NCAN: variants seen among roughly 807,000 people sequenced by gnomAD.
The protein encoded by NCAN is neurocan, also known as neurocan core protein.
In NCAN, 47 loss-of-function variants were observed where a neutral mutation model predicts 121.8. The ratio of observed to expected loss-of-function variants is 0.39; its 90% confidence interval spans 0.31 to 0.49. NCAN has a LOEUF of 0.49. NCAN is among the 20% of genes least tolerant of loss of function. NCAN has a pLI of 0.92. For missense variants in NCAN, 1,517 were observed against 1,773.4 expected (o/e 0.86, Z 2.60); for synonymous variants, 633 against 702.0 (o/e 0.90, Z 1.55).
At position 19,227,367 on chromosome 19, in the gene NCAN, C is replaced by A. The variant is rs780252481; in HGVS notation, c.1747C>A (p.Pro583Thr). The A allele has an allele frequency of 6.2e-7, 1 of 1,613,504 alleles. No individual in the cohort carries two copies. The highest frequency in any genetic ancestry group is 1.1e-5 in the South Asian group (1 of 91,050). ...CAGCATCTCAGGCCACAGCAGGGCC[C>A]CTGTCCTGGAGCTAGAGAAAGCCGA... Reference protein sequence around the residue: ...PPSISGHSRAPVLELEKAEGP... With the variant: ...PPSISGHSRATVLELEKAEGP... Residue 583 changes from proline (P) to threonine (T), a missense_variant, in exon 8 of 15, where the codon CCT becomes ACT. Transcript: ENST00000252575. The surrounding 1 kb of genome is among the most constrained non-coding windows in gnomAD (Gnocchi z 4.2).
At chr19:19,229,652 C>T (rs1599815109) in intron 8 of NCAN, among the ~76,000 whole-genome samples, 1 of 152,226 alleles carries the variant, frequency 6.6e-6, no homozygotes, top group African/African-American at 2.4e-5. Context: ...TGGCCAGCAG[C>T]GTCCATAGAA....
intron 10 of NCAN, 63 bp downstream of exon 10, chr19:19,235,159 C>A: frequency 1.9e-6 from 2 of 1,035,598 alleles, no homozygotes; most frequent in Non-Finnish European, 3.0e-6. Context: ...CAGCCACAGG[C>A]TTCCCCACAT....
intron 10 of NCAN, among the ~76,000 whole-genome samples, chr19:19,235,581 T>G (rs534201601): frequency 1.2e-4 from 17 of 145,874 alleles, no homozygotes; most frequent in Non-Finnish European, 2.2e-4. Context: ...CTATTTTATT[T>G]TATTTTTTTT....
intron 13 of NCAN, among the ~76,000 whole-genome samples, chr19:19,245,737 C>A (rs1599825213): frequency 6.6e-6 from 1 of 151,968 alleles, no homozygotes; most frequent in East Asian, 1.9e-4. Flanking sequence ...CTCAGCCTCT[C>A]GAAGTGCTGG....
intron 8 of NCAN, among the ~76,000 whole-genome samples, chr19:19,228,846 G>C (rs2060848005): frequency 6.6e-6 from 1 of 152,220 alleles, no homozygotes. Context: ...CACTGGCAAA[G>C]GCCAGGAGAT....
chr19:19,238,494 C>A (rs752562845), intron 11 of NCAN, 83 bp downstream of exon 11: 2 of 1,531,796 alleles, frequency 1.3e-6, no homozygotes, highest in Admixed American at 1.7e-5. Context: ...GCATCGCATC[C>A]CTCCCCTGGT....
Position 19,216,947 on chromosome 19 carries a change from A to C in NCAN, c.-7A>C. The C allele has an allele frequency of 7.6e-7, 1 of 1,311,596 alleles. No homozygotes were observed. Among genetic ancestry groups the C allele is most frequent in the Non-Finnish European group, 9.8e-7 (1 of 1,020,828 alleles). The allele number at this position is 1,311,596 out of a possible 1,614,324, so 81.2% of individuals were successfully genotyped here. A position where few individuals can be genotyped will look rare whatever the true frequency, so the allele number is the denominator to read the frequency against. On this transcript the variant is annotated splice_region_variant and 5_prime_UTR_variant, in exon 2 of 15. Transcript: ENST00000252575. Reference sequence around the variant, plus strand: ...TCCCTCCCTCTCCATTTTGTTCCAGATCCAGGATGGGGGCCCCGTTTGTCT... The same window carrying C: ...TCCCTCCCTCTCCATTTTGTTCCAGCTCCAGGATGGGGGCCCCGTTTGTCT...
At chr19:19,244,927 G>A (rs1284564334) in intron 12 of NCAN, among the ~76,000 whole-genome samples, 1 of 151,498 alleles carries the variant, frequency 6.6e-6, no homozygotes, top group Non-Finnish European at 1.5e-5. Context: ...GACCAGGCTG[G>A]TCTTGAACTC....
chr19:19,242,441 G>A (rs1286760626), intron 12 of NCAN, among the ~76,000 whole-genome samples: 1 of 151,662 alleles, frequency 6.6e-6, no homozygotes, highest in Non-Finnish European at 1.5e-5. Flanking sequence ...TGTAATCCCA[G>A]CACTTTGGGA....
chr19:19,238,138 T>C (rs12981871), intron 10 of NCAN, 115 bp from the exon 11 acceptor site: 1,373,605 of 1,388,896 alleles, frequency 0.99, 679,273 homozygotes, highest in East Asian at 1. Context: ...GAGGGGTGAT[T>C]TCGCCCCGCA....
intron 3 of NCAN, among the ~76,000 whole-genome samples, chr19:19,222,860 G>C (rs2060821757): frequency 6.6e-6 from 1 of 151,980 alleles, no homozygotes; most frequent in Non-Finnish European, 1.5e-5. Flanking sequence ...TGTAATCCCA[G>C]CACTTTGGGA....
rs566085160 is a variant in NCAN, at chr19:19,248,699, G to A, written c.3638-1G>A. 1 of 1,613,758 alleles carries A rather than the reference G, an allele frequency of 6.2e-7. No homozygotes were observed. The highest frequency in any genetic ancestry group is 2.2e-5 in the East Asian group (1 of 44,878). ...TCTCACTAGAGATTCCTCTGTCCCA[G>A]TGCTCTGTGGTCCCCCTCCGGCAGT... is the stretch of plus-strand genomic sequence containing the variant. On this transcript the variant is annotated splice_acceptor_variant, in intron 13 of 14. Coordinates refer to ENST00000252575, the MANE Select transcript of NCAN (RefSeq NM_004386.3). LOFTEE classifies it high-confidence loss of function.
chr19:19,219,203 C>T lies in NCAN; in HGVS notation c.362C>T (p.Ala121Val). 3 of 1,610,708 alleles carry T rather than the reference C, an allele frequency of 1.9e-6. No individual in the cohort carries two copies. The highest frequency in any genetic ancestry group is 2.5e-6 in the Non-Finnish European group (3 of 1,179,938). ...CTGCCTTCCTACCCCCGGCGCCGAG[C>T]CAACGCCACGCTACTTCTGGGGCCA... Reference protein sequence around the residue: ...VSLPSYPRRRANATLLLGPLR... With the variant: ...VSLPSYPRRRVNATLLLGPLR... Residue 121 changes from alanine to valine, a missense_variant, in exon 3 of 15, where the codon GCC becomes GTC. By Grantham distance (64) the Ala-to-Val change is moderately conservative. Transcript: ENST00000252575.
In NCAN at chr19:19,248,743, C is replaced by T. The variant is rs749504409; in HGVS notation, c.3681C>T (p.Ile1227=). The T allele has an allele frequency of 1.2e-5, 19 of 1,614,068 alleles. No homozygotes were observed. The highest frequency in any genetic ancestry group is 6.7e-5 in the African/African-American group (5 of 74,932). Residue 1227 remains isoleucine, a synonymous_variant, in exon 14 of 15, where the codon ATC becomes ATT. Coordinates refer to ENST00000252575, the MANE Select transcript of NCAN (RefSeq NM_004386.3). The part of the protein sequence containing the change: ...PPPAVENASL[I]GARKAKYNVH... Reference sequence around the variant, plus strand: ...CGGCAGTGGAGAATGCCTCACTCATCGGTGCCCGCAAGGCCAAGTACAATG... The same window carrying T: ...CGGCAGTGGAGAATGCCTCACTCATTGGTGCCCGCAAGGCCAAGTACAATG...
Position 19,227,839 on chromosome 19 carries a change from C to T in NCAN, c.2219C>T (p.Pro740Leu). The change falls in exon 8 of 15, where the codon CCC (proline) becomes CTC (leucine). Residue 740 changes from proline to leucine, a missense_variant. Physicochemically the swap from Pro to Leu is moderately conservative, Grantham distance 98. Coordinates refer to ENST00000252575, the MANE Select transcript of NCAN (RefSeq NM_004386.3). This position sits in a 1 kb window ranked among gnomAD's most constrained non-coding sequence, Gnocchi z 4.2. ...AGGAATGTGGCTGTAGGTTTTGTCC[C>T]CACTGAGACTGCCACTGAGCCAACG... ...VNRNVAVGFV[P>L]TETATEPTGL... The T allele has an allele frequency of 1.2e-6, 2 of 1,613,638 alleles. No homozygotes were observed. The highest frequency in any genetic ancestry group is 1.7e-6 in the Non-Finnish European group (2 of 1,179,996).
intron 11 of NCAN, among the ~76,000 whole-genome samples, chr19:19,240,184 C>G (rs553700796): frequency 2.7e-4 from 40 of 149,248 alleles, no homozygotes; most frequent in African/African-American, 9.7e-4. Flanking sequence ...CCTCATCTCT[C>G]TCCTTCTCCC....
intron 1 of NCAN, among the ~76,000 whole-genome samples, chr19:19,213,660 G>A (rs2060784534): frequency 6.6e-6 from 1 of 152,136 alleles, no homozygotes; most frequent in African/African-American, 2.4e-5. Flanking sequence ...GTGCGTGGCT[G>A]TGTGTGTCCC....
chr19:19,250,215 A>G lies in NCAN; in HGVS notation c.*304A>G, dbSNP rs1229146761. On this transcript the variant is annotated 3_prime_UTR_variant, in exon 15 of 15. Transcript: ENST00000252575. ...TCATTGGTCTGGTCTCTTGTTTGCC[A>G]GGCTGATTGAAGCAGGCCTTGATGA... 2 of 568,410 alleles carry G rather than the reference A, an allele frequency of 3.5e-6. No individual in the cohort carries two copies. The highest frequency in any genetic ancestry group is 8.0e-5 in the East Asian group (2 of 25,048). The allele number at this position is 568,410 out of a possible 1,614,324, so 35.2% of individuals were successfully genotyped here.
At chr19:19,229,613 C>G (rs1375523116) in intron 8 of NCAN, among the ~76,000 whole-genome samples, 3 of 152,268 alleles carry the variant, frequency 2.0e-5, no homozygotes, top group East Asian at 1.9e-4. Context: ...CAACTGGAGC[C>G]CAAGTCAGCC....
Sources: allele counts gnomAD v4.1 joint callset (sites outside exome capture counted in the v4.1 genomes callset), GRCh38; gene constraint gnomAD v4.1.1; non-coding constraint Gnocchi (gnomAD v3.1); transcripts MANE v1.5; gene names NCBI Gene and HGNC (gene_info 2026-07-23, HGNC 2026-07-21).